Variants in LTBP1 observed in about 807,000 individuals in gnomAD.
LTBP1 encodes the protein latent transforming growth factor beta binding protein 1.
A neutral mutation model predicts 207.6 loss-of-function variants in LTBP1; 129 were observed. The observed-to-expected ratio is 0.62, with a 90% confidence interval of 0.54 to 0.72. The LOEUF (loss-of-function observed/expected upper bound fraction) is 0.72, where lower values mean the gene tolerates loss of function less well. Ranked by LOEUF, LTBP1 falls within the 30% of genes least tolerant of loss-of-function variation. The pLI, the probability that LTBP1 is intolerant of heterozygous loss-of-function variation, is 0.00. For synonymous variants in LTBP1, 963 were observed against 833.7 expected, an observed-to-expected ratio of 1.16 and a Z score of -2.67; for missense variants, 2,281 against 2,217.2, an observed-to-expected ratio of 1.03 and a Z score of -0.58.
At chr2:33,011,937 C>G (rs189796674) in intron 2 of LTBP1, among the ~76,000 whole-genome samples, 1 of 152,020 alleles carries the variant, frequency 6.6e-6, no homozygotes, top group Non-Finnish European at 1.5e-5. Flanking sequence ...TATTTCTCTC[C>G]GATTTCAGGT....
At chr2:33,257,636 G>T in intron 12 of LTBP1, 125 bp downstream of exon 12, 1 of 749,540 alleles carries the variant, frequency 1.3e-6, no homozygotes, top group Non-Finnish European at 2.2e-6. Context: ...TTAGAGTGGA[G>T]AATTATTTGA....
At chr2:33,210,853 C>T (rs192309770) in intron 7 of LTBP1, among the ~76,000 whole-genome samples, 7 of 152,306 alleles carry the variant, frequency 4.6e-5, no homozygotes, top group African/African-American at 1.7e-4. Flanking sequence ...GAGTCACTTC[C>T]TTGTTTCAGT....
chr2:32,952,960 TGTGC>T (rs552134381), intron 2 of LTBP1, among the ~76,000 whole-genome samples: 1 of 152,358 alleles, frequency 6.6e-6, no homozygotes, highest in South Asian at 2.1e-4. Context: ...GCTTTTACCA[TGTGC>T]CAGGTTCTAT....
At chr2:33,171,969 T>C (rs907496752) in intron 5 of LTBP1, among the ~76,000 whole-genome samples, 5 of 152,140 alleles carry the variant, frequency 3.3e-5, no homozygotes, top group African/African-American at 1.2e-4. Flanking sequence ...AGAGATTTTG[T>C]CACCACCAGG....
At chr2:33,056,685 G>A (rs1415855726) in intron 3 of LTBP1, among the ~76,000 whole-genome samples, 4 of 151,904 alleles carry the variant, frequency 2.6e-5, no homozygotes, top group Non-Finnish European at 4.4e-5. Context: ...TTGTGGTCTC[G>A]CTGGCTCAGG....
intron 5 of LTBP1, among the ~76,000 whole-genome samples, chr2:33,184,041 C>T (rs1248874982): frequency 6.6e-6 from 1 of 152,136 alleles, no homozygotes; most frequent in Admixed American, 6.5e-5. Flanking sequence ...TCATCAAGTT[C>T]CACTGATTTT....
rs1240562342 is a variant in LTBP1, at chr2:32,969,227, ATTTGTGTGTGTGTGTGTGTGTGTG to A, written c.565+20284_565+20307del. On this transcript the variant is annotated intron_variant, in intron 2 of 33. Transcript: ENST00000404816. Reference sequence around the variant, plus strand: ...AGGTGTGAGCCATGGCACCTGGCCAATTTGTGTGTGTGTGTGTGTGTGTGTGTGTGTGTGTGTGTGTGTGTTTTA... The same window carrying A: ...AGGTGTGAGCCATGGCACCTGGCCAATGTGTGTGTGTGTGTGTGTGTTTTA... Among the ~76,000 whole-genome samples the A allele has an allele frequency of 9.8e-3, 911 of 92,664 alleles. 11 individuals are homozygous for A. The highest frequency in any genetic ancestry group is 0.035 in the African/African-American group (869 of 24,494). The allele number at this position is 92,664 out of a possible 152,430, so 60.8% of individuals were successfully genotyped here.
At chr2:33,043,392 G>A (rs879570627) in intron 3 of LTBP1, among the ~76,000 whole-genome samples, 9 of 151,958 alleles carry the variant, frequency 5.9e-5, no homozygotes, top group South Asian at 2.1e-4. Flanking sequence ...ATAAAAAATC[G>A]TATATTATTG....
chr2:33,182,400 C>T lies in LTBP1; in HGVS notation c.1202-4456C>T, dbSNP rs184501059. Among the ~76,000 whole-genome samples the T allele has an allele frequency of 6.7e-4, 102 of 152,074 alleles. 1 individual carries two copies. Among genetic ancestry groups the T allele is most frequent in the African/African-American group, 2.3e-3 (97 of 41,462 alleles). ...GGTGTTGGCCGGGCGCAGTGGCTCA[C>T]ACCTGTAATCTCAGCACTTTGGGAG... On this transcript the variant is annotated intron_variant, in intron 5 of 33. Coordinates refer to ENST00000404816, the MANE Select transcript of LTBP1 (RefSeq NM_206943.4).
At chr2:33,092,315 CT>C (rs1379514399) in intron 3 of LTBP1, among the ~76,000 whole-genome samples, 1 of 152,198 alleles carries the variant, frequency 6.6e-6, no homozygotes, top group Non-Finnish European at 1.5e-5. Flanking sequence ...TTATTGAGTT[CT>C]GTCTGTCTTT....
chr2:33,016,497 C>A (rs375409307), intron 2 of LTBP1, among the ~76,000 whole-genome samples: 17 of 152,232 alleles, frequency 1.1e-4, no homozygotes, highest in African/African-American at 3.9e-4. Context: ...AGCCCTCCCC[C>A]GCTAGAGATT....
At chr2:33,266,996 GC>G (rs1166567395) in intron 15 of LTBP1, among the ~76,000 whole-genome samples, 1 of 152,254 alleles carries the variant, frequency 6.6e-6, no homozygotes, top group African/African-American at 2.4e-5. Context: ...CCAAGCCAGG[GC>G]TGTAACAGCC....
chr2:33,303,336 G>A (rs972966796), intron 22 of LTBP1, among the ~76,000 whole-genome samples: 1 of 150,316 alleles, frequency 6.7e-6, no homozygotes, highest in Non-Finnish European at 1.5e-5. Flanking sequence ...AGATCATCAG[G>A]CATTAGTTAG....
rs140700584 is a variant in LTBP1, at chr2:32,965,750, C to T, written c.565+16805C>T. Among the ~76,000 whole-genome samples the T allele has an allele frequency of 2.0e-3, 310 of 152,270 alleles. 1 individual carries two copies. Among genetic ancestry groups the T allele is most frequent in the African/African-American group, 7.1e-3 (297 of 41,544 alleles). Reference sequence around the variant, plus strand: ...TGCTGAAGGACATCTTTGTCACTTCCAAGTTCTGGCAATTATGAATAGAGC... The same window carrying T: ...TGCTGAAGGACATCTTTGTCACTTCTAAGTTCTGGCAATTATGAATAGAGC... On this transcript the variant is annotated intron_variant, in intron 2 of 33. Coordinates refer to ENST00000404816, the MANE Select transcript of LTBP1 (RefSeq NM_206943.4).
chr2:33,198,304 A>C (rs901409118), intron 7 of LTBP1, among the ~76,000 whole-genome samples: 11 of 152,054 alleles, frequency 7.2e-5, no homozygotes, highest in Non-Finnish European at 7.4e-5. Flanking sequence ...GTTTGCTAGT[A>C]TTTTTTTGAG....
chr2:33,381,502 C>G (rs2095214269), intron 31 of LTBP1, among the ~76,000 whole-genome samples: 1 of 152,114 alleles, frequency 6.6e-6, no homozygotes, highest in Non-Finnish European at 1.5e-5. Context: ...AGAATATAAA[C>G]CTTGCCAAGA....
At chr2:33,211,680 A>G (rs2090327903) in intron 7 of LTBP1, among the ~76,000 whole-genome samples, 2 of 152,244 alleles carry the variant, frequency 1.3e-5, no homozygotes, top group African/African-American at 4.8e-5. Flanking sequence ...CGTTGTAGGC[A>G]CTATAGGTAC....
intron 25 of LTBP1, among the ~76,000 whole-genome samples, chr2:33,344,678 A>G (rs1573940332): frequency 6.6e-6 from 1 of 152,062 alleles, no homozygotes; most frequent in African/African-American, 2.4e-5. Flanking sequence ...AGCACTTACA[A>G]CCTTTGGGGG....
In LTBP1 at chr2:32,954,103, A is replaced by G. The variant is rs118133764; in HGVS notation, c.565+5158A>G. ...TTCCAGACAGTGGGGCAGTGCTCAG[A>G]TGCCACTGCAGATCTTGTGGCTCTT... On this transcript the variant is annotated intron_variant, in intron 2 of 33. Transcript: ENST00000404816. Among the ~76,000 whole-genome samples, 18 of 152,308 alleles carry G rather than the reference A, an allele frequency of 1.2e-4. No homozygotes were observed. In the East Asian group the frequency reaches 3.5e-3, roughly 29 times the overall value.
Sources: allele counts gnomAD v4.1 joint callset (sites outside exome capture counted in the v4.1 genomes callset), GRCh38; gene constraint gnomAD v4.1.1; transcripts MANE v1.5; gene names NCBI Gene and HGNC (gene_info 2026-07-23, HGNC 2026-07-21).